RMDN2: variants seen among roughly 807,000 people sequenced by gnomAD.
RMDN2 encodes the protein regulator of microtubule dynamics protein 2.
RMDN2 carries 61 observed loss-of-function variants against 52.8 expected under a neutral mutation model. That is an observed-to-expected ratio of 1.16 (90% CI 0.94 to 1.43). The LOEUF (loss-of-function observed/expected upper bound fraction) is 1.43, where lower values mean the gene tolerates loss of function less well. Among genes scored for constraint, RMDN2 ranks in the 40% most tolerant of loss-of-function variants. The pLI is 0.00. For missense variants in RMDN2, 592 were observed against 475.3 expected, an observed-to-expected ratio of 1.25 and a Z score of -2.28; for synonymous variants, 180 against 153.1, an observed-to-expected ratio of 1.18 and a Z score of -1.30.
intron 2 of RMDN2, among the ~76,000 whole-genome samples, chr2:37,935,174 C>T (rs760117145): frequency 3.3e-5 from 5 of 152,162 alleles, no homozygotes; most frequent in African/African-American, 4.8e-5. Context: ...CACGAATCCA[C>T]TCCCAGAATA....
chr2:38,007,552 T>G (rs1677288890), intron 10 of RMDN2, among the ~76,000 whole-genome samples: 1 of 152,196 alleles, frequency 6.6e-6, no homozygotes, highest in Non-Finnish European at 1.5e-5. Flanking sequence ...GGTGGTGATA[T>G]CCCCTTTATC....
At chr2:38,059,482 C>G (rs551418344) in intron 10 of RMDN2, among the ~76,000 whole-genome samples, 1 of 152,256 alleles carries the variant, frequency 6.6e-6, no homozygotes, top group South Asian at 2.1e-4. Context: ...ATCCTGGGAA[C>G]TGGAGTGGGG....
chr2:37,991,466 A>C (rs1674781016), intron 7 of RMDN2, among the ~76,000 whole-genome samples, 169 bp downstream of exon 7: 1 of 151,812 alleles, frequency 6.6e-6, no homozygotes, highest in South Asian at 2.1e-4. Context: ...ATTGTATCTG[A>C]ATTTATAATT....
chr2:38,051,964 T>C (rs945291994), intron 10 of RMDN2, among the ~76,000 whole-genome samples: 1 of 152,220 alleles, frequency 6.6e-6, no homozygotes, highest in African/African-American at 2.4e-5. Flanking sequence ...CTATTGTGAA[T>C]AGTGCTGCAA....
At position 37,989,623 on chromosome 2, in the gene RMDN2, CT is replaced by C. The variant is rs112425530; in HGVS notation, c.867+19del. The C allele has an allele frequency of 0.046, 53,471 of 1,157,574 alleles. 241 individuals are homozygous for C. Among genetic ancestry groups the C allele is most frequent in the African/African-American group, 0.12 (7,428 of 60,672 alleles). 71.7% of individuals were successfully genotyped at this position (1,157,574 alleles called of 1,614,324 possible). On this transcript the variant is annotated splice_region_variant and intron_variant, in intron 6 of 10. Transcript: ENST00000354545. ...CTATGGGCACCTCTTCAAGGTATTT[CT>C]TTTTTTTTTTTCATATTTCTTTTCA... is the stretch of plus-strand genomic sequence containing the variant.
intron 2 of RMDN2, among the ~76,000 whole-genome samples, chr2:37,969,902 C>T (rs1035992397): frequency 6.7e-6 from 1 of 150,232 alleles, no homozygotes; most frequent in African/African-American, 2.5e-5. Context: ...TCCTTGCTTT[C>T]TCTTTCTTTC....
chr2:37,990,981 G>A (rs1311274689), intron 6 of RMDN2, among the ~76,000 whole-genome samples: 2 of 152,138 alleles, frequency 1.3e-5, no homozygotes, highest in African/African-American at 2.4e-5. Flanking sequence ...TTTTATAACA[G>A]TATTTTGGCT....
intron 2 of RMDN2, among the ~76,000 whole-genome samples, chr2:37,965,554 T>C (rs1426831201): frequency 6.6e-6 from 1 of 152,144 alleles, no homozygotes. Flanking sequence ...TACATCTTTA[T>C]GTTGTATTAT....
chr2:37,999,534 G>A (rs1464788191), intron 8 of RMDN2, among the ~76,000 whole-genome samples: 1 of 152,142 alleles, frequency 6.6e-6, no homozygotes, highest in Non-Finnish European at 1.5e-5. Flanking sequence ...GAAAAGAGAG[G>A]AGGCATCAGG....
At chr2:37,959,596 C>G (rs143010156) in intron 2 of RMDN2, among the ~76,000 whole-genome samples, 3 of 150,736 alleles carry the variant, frequency 2.0e-5, no homozygotes, top group African/African-American at 5.0e-5. Flanking sequence ...TTTCAAAAAA[C>G]CAGCTCCTGG....
chr2:38,008,384 G>T (rs1677429286), intron 10 of RMDN2, among the ~76,000 whole-genome samples: 2 of 152,128 alleles, frequency 1.3e-5, no homozygotes, highest in East Asian at 3.8e-4. Flanking sequence ...ATGAATCTGG[G>T]TGCTCCTGTA....
chr2:37,988,401 A>G (rs1674324220), intron 5 of RMDN2, among the ~76,000 whole-genome samples: 1 of 152,132 alleles, frequency 6.6e-6, no homozygotes, highest in Non-Finnish European at 1.5e-5. Flanking sequence ...TAGTACGTTG[A>G]TATGGTCCTC....
chr2:37,999,998 T>C (rs1241138786), intron 8 of RMDN2, among the ~76,000 whole-genome samples: 5 of 152,198 alleles, frequency 3.3e-5, no homozygotes, highest in Admixed American at 2.6e-4. Context: ...CAGAAAATAA[T>C]ATATTTTATA....
At chr2:37,950,590 C>T in intron 2 of RMDN2, 3 of 1,613,030 alleles carry the variant, frequency 1.9e-6, no homozygotes, top group Non-Finnish European at 2.5e-6. Context: ...TGGGAAAGTG[C>T]TTAAGGTAAG....
At chr2:37,965,360 T>C (rs1670897176) in intron 2 of RMDN2, among the ~76,000 whole-genome samples, 2 of 150,698 alleles carry the variant, frequency 1.3e-5, no homozygotes, top group African/African-American at 4.9e-5. Flanking sequence ...TTTTTAGTGA[T>C]ATGTTTTGAT....
intron 1 of RMDN2, chr2:37,929,010 T>C (rs1666510271): frequency 3.9e-6 from 1 of 256,516 alleles, no homozygotes; most frequent in African/African-American, 2.3e-5. Context: ...TTTTTGTTTG[T>C]TTGTTTTTTA....
intron 10 of RMDN2, among the ~76,000 whole-genome samples, chr2:38,010,491 G>A (rs1275296619): frequency 1.3e-5 from 2 of 152,142 alleles, no homozygotes; most frequent in Non-Finnish European, 2.9e-5. Flanking sequence ...AGGCTCCATG[G>A]GCATAGGACC....
At chr2:38,008,206 T>C (rs1422080212) in intron 10 of RMDN2, among the ~76,000 whole-genome samples, 8 of 152,242 alleles carry the variant, frequency 5.3e-5, no homozygotes, top group African/African-American at 1.7e-4. Context: ...GAGAGTTCTG[T>C]AGATGTCTGT....
chr2:38,010,924 G>T (rs1677892727), intron 10 of RMDN2, among the ~76,000 whole-genome samples: 2 of 152,150 alleles, frequency 1.3e-5, no homozygotes, highest in Non-Finnish European at 2.9e-5. Flanking sequence ...TTTAAAATTT[G>T]CTGTATCTCT....
Sources: gnomAD v4.1 joint callset for allele counts (sites outside exome capture counted in the v4.1 genomes callset) on GRCh38, gnomAD v4.1.1 for gene constraint, MANE v1.5 for transcripts, NCBI Gene and HGNC (gene_info 2026-07-23, HGNC 2026-07-21) for gene names.